The following FOXJ3 variants were observed in gnomAD, a reference collection of about 807,000 sequenced individuals.
The protein encoded by FOXJ3 is forkhead box protein J3.
FOXJ3 carries 22 observed loss-of-function variants against 76.1 expected under a neutral mutation model. That is an observed-to-expected ratio of 0.29 (90% confidence interval 0.21 to 0.41). FOXJ3 has a LOEUF of 0.41. FOXJ3 is among the 10% of genes least tolerant of loss of function. The pLI is 1.00. For missense variants in FOXJ3, 613 were observed against 762.1 expected (o/e 0.80, Z 2.30); for synonymous variants, 269 against 261.2 (o/e 1.03, Z -0.29).
intron 5 of FOXJ3, among the ~76,000 whole-genome samples, chr1:42,225,111 G>T (rs779110558): frequency 3.1e-4 from 47 of 151,358 alleles, no homozygotes; most frequent in Non-Finnish European, 6.0e-4. Flanking sequence ...AGCCTTCTCT[G>T]TTCCATCAAA....
intron 1 of FOXJ3, among the ~76,000 whole-genome samples, chr1:42,316,790 G>A (rs1460260150): frequency 6.6e-6 from 1 of 152,100 alleles, no homozygotes; most frequent in Non-Finnish European, 1.5e-5. Context: ...AAAACCAAAC[G>A]ATGTATGTTC....
At chr1:42,335,286 T>C (rs879658949), upstream of FOXJ3, 14 of 151,822 alleles carry the variant, frequency 9.2e-5, no homozygotes, top group East Asian at 1.8e-3. Context: ...TCCTGCGGCG[T>C]CGCTGCGCCG....
At chr1:42,324,139 A>ATATATACACTGTGTATATACACTGTG (rs1557726168) in intron 1 of FOXJ3, among the ~76,000 whole-genome samples, 13 of 136,018 alleles carry the variant, frequency 9.6e-5, no homozygotes, top group Non-Finnish European at 1.6e-4. Flanking sequence ...TATATACAGT[A>ATATATACACTGTGTATATACACTGTG]TATATACTAT....
chr1:42,207,430 T>C (rs966600285), intron 5 of FOXJ3, among the ~76,000 whole-genome samples: 1 of 152,220 alleles, frequency 6.6e-6, no homozygotes, highest in Non-Finnish European at 1.5e-5. Context: ...TTTTCTGCTA[T>C]TAGAATTCTG....
chr1:42,318,954 C>T (rs1484929990), intron 1 of FOXJ3, among the ~76,000 whole-genome samples: 2 of 152,078 alleles, frequency 1.3e-5, no homozygotes, highest in African/African-American at 2.4e-5. Flanking sequence ...AAATAGGCCA[C>T]GTGCAGTAGC....
chr1:42,188,310 G>A (rs1005689709), intron 11 of FOXJ3, among the ~76,000 whole-genome samples: 1 of 152,102 alleles, frequency 6.6e-6, no homozygotes, highest in African/African-American at 2.4e-5. Flanking sequence ...TTTCCATTAC[G>A]TCTACTCTTC....
chr1:42,282,264 T>A (rs1652772569), intron 2 of FOXJ3, among the ~76,000 whole-genome samples: 1 of 152,062 alleles, frequency 6.6e-6, no homozygotes, highest in Non-Finnish European at 1.5e-5. Context: ...GCTGGCTTCC[T>A]GGACTCTGAT....
chr1:42,182,035 T>A lies in FOXJ3; in HGVS notation c.1646-11A>T. 1 of 1,515,282 alleles carries A rather than the reference T, an allele frequency of 6.6e-7. No individual in the cohort carries two copies. Among genetic ancestry groups the A allele is most frequent in the Non-Finnish European group, 9.1e-7 (1 of 1,096,418 alleles). The allele number at this position is 1,515,282 out of a possible 1,614,324, so 93.9% of individuals were successfully genotyped here. ...CTATGTACAAATTTCCTAATCAGAT[T>A]AAAAGCAGAAAGAGGGAAAACATGT... is the stretch of plus-strand genomic sequence containing the variant. On this transcript the variant is annotated splice_polypyrimidine_tract_variant and intron_variant, in intron 11 of 12. Transcript: ENST00000361346.
chr1:42,223,231 C>T (rs1339725073), intron 5 of FOXJ3, among the ~76,000 whole-genome samples: 1 of 152,102 alleles, frequency 6.6e-6, no homozygotes, highest in Non-Finnish European at 1.5e-5. Flanking sequence ...TGTATATATC[C>T]CTAGCTCAGG....
In FOXJ3 at chr1:42,221,518, C is replaced by T. The variant is rs142081877; in HGVS notation, c.528+6365G>A. Reference sequence around the variant, plus strand: ...TTGCTCAGGCTGGAGTATAGTGGCACAATCATGGCTCACTGCAACCTCAAA... The same window carrying T: ...TTGCTCAGGCTGGAGTATAGTGGCATAATCATGGCTCACTGCAACCTCAAA... On this transcript the variant is annotated intron_variant, in intron 5 of 12. Coordinates refer to ENST00000361346, the MANE Select transcript of FOXJ3 (RefSeq NM_014947.5). Among the ~76,000 whole-genome samples the T allele has an allele frequency of 2.8e-3, 432 of 152,224 alleles. 2 individuals carry two copies. The highest frequency in any genetic ancestry group is 9.9e-3 in the African/African-American group (413 of 41,534).
At chr1:42,290,081 A>C (rs1653320216) in intron 2 of FOXJ3, among the ~76,000 whole-genome samples, 7 of 152,134 alleles carry the variant, frequency 4.6e-5, no homozygotes, top group Non-Finnish European at 8.8e-5. Flanking sequence ...TGTTTTAAGG[A>C]AAAAGTTCCT....
intron 2 of FOXJ3, among the ~76,000 whole-genome samples, chr1:42,301,215 A>C (rs1052748255): frequency 1.3e-5 from 2 of 151,062 alleles, no homozygotes; most frequent in African/African-American, 4.9e-5. Flanking sequence ...TTTTCTTTTG[A>C]GATGGAGTTT....
intron 4 of FOXJ3, among the ~76,000 whole-genome samples, chr1:42,232,048 G>A (rs1387979888): frequency 2.6e-5 from 4 of 152,114 alleles, no homozygotes; most frequent in African/African-American, 7.2e-5. Context: ...AACATGCGGT[G>A]TTTGGTTTTT....
intron 2 of FOXJ3, among the ~76,000 whole-genome samples, chr1:42,301,096 T>C (rs1190725636): frequency 6.6e-6 from 1 of 152,212 alleles, no homozygotes; most frequent in Non-Finnish European, 1.5e-5. Flanking sequence ...AATTACTTCC[T>C]GAAATAGCTT....
chr1:42,193,541 T>C (rs1569810266), intron 8 of FOXJ3, among the ~76,000 whole-genome samples: 1 of 152,156 alleles, frequency 6.6e-6, no homozygotes, highest in Admixed American at 6.5e-5. Flanking sequence ...TAGTTCTTTT[T>C]ATACTTTTAT....
chr1:42,194,381 CTT>C (rs1009750737), intron 8 of FOXJ3, among the ~76,000 whole-genome samples: 5 of 152,222 alleles, frequency 3.3e-5, no homozygotes, highest in African/African-American at 9.6e-5. Flanking sequence ...TAAAATCTGA[CTT>C]AAGTATATCG....
At chr1:42,243,520 C>T (rs1055365867) in intron 4 of FOXJ3, among the ~76,000 whole-genome samples, 1 of 152,082 alleles carries the variant, frequency 6.6e-6, no homozygotes, top group South Asian at 2.1e-4. Flanking sequence ...CTATATGCTG[C>T]CTACAAGAAA....
At chr1:42,317,533 A>C (rs1472936047) in intron 1 of FOXJ3, among the ~76,000 whole-genome samples, 8 of 151,516 alleles carry the variant, frequency 5.3e-5, no homozygotes, top group South Asian at 2.1e-4. Flanking sequence ...AAAAAAAAAA[A>C]AACTTGAGGA....
chr1:42,303,007 G>C (rs1354234163), intron 2 of FOXJ3, among the ~76,000 whole-genome samples: 3 of 151,142 alleles, frequency 2.0e-5, no homozygotes, highest in Non-Finnish European at 4.4e-5. Flanking sequence ...TAAAGTGCTG[G>C]TTTTCTATTA....
Sources: allele counts gnomAD v4.1 joint callset (sites outside exome capture counted in the v4.1 genomes callset), GRCh38; gene constraint gnomAD v4.1.1; transcripts MANE v1.5; gene names NCBI Gene and HGNC (gene_info 2026-07-23, HGNC 2026-07-21).